Variants in WWOX observed in about 807,000 individuals in gnomAD.
WWOX encodes the protein WW domain containing oxidoreductase.
In WWOX, 69 loss-of-function variants were observed where a neutral mutation model predicts 46.2. The observed-to-expected ratio is 1.49, with a 90% CI of 1.23 to 1.82. The LOEUF (loss-of-function observed/expected upper bound fraction) is 1.82, where lower values mean the gene tolerates loss of function less well. WWOX is among the 40% of genes most tolerant of loss of function. The pLI, the probability that WWOX is intolerant of heterozygous loss-of-function variation, is 0.00. For missense variants in WWOX, 919 were observed against 542.6 expected (o/e 1.69, Z -6.89); for synonymous variants, 359 against 202.6 (o/e 1.77, Z -6.56).
chr16:79,208,344 TA>T lies in WWOX; in HGVS notation c.1057-3263del, dbSNP rs202200587. On this transcript the variant is annotated intron_variant, in intron 8 of 8. Transcript: ENST00000566780. Reference sequence around the variant, plus strand: ...CCCCGTTTCCCATGATTAGCAACCATATACAACCTACAGGCTTCTGATAAAT... The same window carrying T: ...CCCCGTTTCCCATGATTAGCAACCATTACAACCTACAGGCTTCTGATAAAT... Among the ~76,000 whole-genome samples, 32 of 151,278 alleles carry T rather than the reference TA, an allele frequency of 2.1e-4. No individual in the cohort carries two copies. In the East Asian group the frequency reaches 5.2e-3, roughly 25 times the overall value.
chr16:78,430,323 G>C (rs1457710394), intron 7 of WWOX, among the ~76,000 whole-genome samples: 1 of 152,018 alleles, frequency 6.6e-6, no homozygotes, highest in African/African-American at 2.4e-5. Flanking sequence ...GTGAGATTTG[G>C]GTGGGGACAC....
chr16:78,117,915 AAACAT>A (rs1454543817), intron 4 of WWOX, among the ~76,000 whole-genome samples: 5 of 152,178 alleles, frequency 3.3e-5, no homozygotes, highest in Admixed American at 6.5e-5. Context: ...GGGTGGGCTG[AAACAT>A]AACATAACAG....
At chr16:78,387,942 T>C (rs2082094606) in intron 6 of WWOX, among the ~76,000 whole-genome samples, 1 of 151,912 alleles carries the variant, frequency 6.6e-6, no homozygotes, top group African/African-American at 2.4e-5. Context: ...TTGGGAACAT[T>C]AGTTCTGCAG....
At chr16:78,296,267 G>A (rs2079942299) in intron 5 of WWOX, among the ~76,000 whole-genome samples, 1 of 151,430 alleles carries the variant, frequency 6.6e-6, no homozygotes, top group South Asian at 2.1e-4. Flanking sequence ...TACCGCCACA[G>A]ATGTCGGTTT....
intron 8 of WWOX, among the ~76,000 whole-genome samples, chr16:78,438,914 G>A (rs192084572): frequency 2.0e-5 from 3 of 152,232 alleles, no homozygotes; most frequent in Admixed American, 6.5e-5. Flanking sequence ...AAAGCCAAAC[G>A]GGGTAATTCT....
chr16:78,346,302 T>G (rs11859786), intron 5 of WWOX, among the ~76,000 whole-genome samples: 33,931 of 120,016 alleles, frequency 0.28, 11,749 homozygotes, highest in African/African-American at 0.52. Flanking sequence ...TTTGGGTTCT[T>G]CCCAGTTTTT....
chr16:78,133,347 A>C (rs987662130), intron 4 of WWOX, among the ~76,000 whole-genome samples: 4 of 152,114 alleles, frequency 2.6e-5, no homozygotes, highest in Non-Finnish European at 5.9e-5. Flanking sequence ...TGCAAGGTCC[A>C]CCTCCTGGGT....
chr16:78,672,542 T>C (rs1345031227), intron 8 of WWOX, among the ~76,000 whole-genome samples: 1 of 152,208 alleles, frequency 6.6e-6, no homozygotes, highest in African/African-American at 2.4e-5. Flanking sequence ...GTCGGCAGTG[T>C]AGCATGGCAA....
intron 5 of WWOX, among the ~76,000 whole-genome samples, chr16:78,193,888 T>C (rs965366997): frequency 3.3e-5 from 5 of 151,464 alleles, no homozygotes. Context: ...TTTTTATTTT[T>C]ATTTTTTGAG....
rs73572947 is a variant in WWOX at position 79,079,182 on chromosome 16, C to T, written c.1057-132426C>T. On this transcript the variant is annotated intron_variant, in intron 8 of 8. Coordinates refer to ENST00000566780, the MANE Select transcript of WWOX (RefSeq NM_016373.4). ...TAGGGACACGGGCTCCTTCTATCTT[C>T]TGTCACCACCACCTTTATTTTTAGC... Among the ~76,000 whole-genome samples the T allele has an allele frequency of 3.5e-3, 529 of 152,342 alleles. 3 individuals carry two copies. The highest frequency in any genetic ancestry group is 0.012 in the African/African-American group (485 of 41,586).
rs147264607 is a variant in WWOX, at chr16:78,137,934, A to G, written c.409+22780A>G. ...ATCTTATCCATAGTGTGTGGATATC[A>G]CAAACAGCACAAGAGGAAGTGAAAG... is the stretch of plus-strand genomic sequence containing the variant. On this transcript the variant is annotated intron_variant, in intron 4 of 8. Coordinates refer to ENST00000566780, the MANE Select transcript of WWOX (RefSeq NM_016373.4). Among the ~76,000 whole-genome samples, 299 of 150,398 alleles carry G rather than the reference A, an allele frequency of 2.0e-3. 13 individuals are homozygous for G. Among genetic ancestry groups the G allele is most frequent in the African/African-American group, 7.1e-3 (289 of 40,468 alleles).
At chr16:79,001,463 G>A (rs757033498) in intron 8 of WWOX, among the ~76,000 whole-genome samples, 6 of 152,164 alleles carry the variant, frequency 3.9e-5, no homozygotes, top group African/African-American at 7.2e-5. Flanking sequence ...AAATTTGTGC[G>A]TGCAGCTTCT....
intron 8 of WWOX, among the ~76,000 whole-genome samples, chr16:78,444,642 T>G (rs1172311318): frequency 1.3e-5 from 2 of 151,556 alleles, no homozygotes; most frequent in East Asian, 3.9e-4. Flanking sequence ...GCAATTCTCC[T>G]GCCTCAGACT....
chr16:78,792,410 C>T (rs766605019), intron 8 of WWOX, among the ~76,000 whole-genome samples: 3 of 152,144 alleles, frequency 2.0e-5, no homozygotes, highest in East Asian at 1.9e-4. Context: ...TCGGAGATGG[C>T]TTCCTATTGC....
chr16:78,519,428 A>T (rs1484345362), intron 8 of WWOX, among the ~76,000 whole-genome samples: 1 of 152,054 alleles, frequency 6.6e-6, no homozygotes, highest in Admixed American at 6.5e-5. Flanking sequence ...AAGGTAAAAC[A>T]TGTTAACAGT....
At chr16:78,365,625 A>G (rs900576593) in intron 5 of WWOX, among the ~76,000 whole-genome samples, 2 of 152,228 alleles carry the variant, frequency 1.3e-5, no homozygotes, top group Non-Finnish European at 2.9e-5. Context: ...AAGTGGCTCT[A>G]TAGACTGCCT....
At chr16:78,874,126 C>T (rs1430183498) in intron 8 of WWOX, among the ~76,000 whole-genome samples, 2 of 151,764 alleles carry the variant, frequency 1.3e-5, no homozygotes, top group Non-Finnish European at 2.9e-5. Flanking sequence ...CATGGTGGCA[C>T]ACGTCTGTAA....
chr16:78,934,055 G>A (rs2045682084), intron 8 of WWOX, among the ~76,000 whole-genome samples: 1 of 152,012 alleles, frequency 6.6e-6, no homozygotes, highest in African/African-American at 2.4e-5. Context: ...CTTAGCCGGG[G>A]CCGGGCACGG....
intron 8 of WWOX, among the ~76,000 whole-genome samples, chr16:79,034,169 A>G (rs1246882159): frequency 6.6e-6 from 1 of 152,136 alleles, no homozygotes; most frequent in African/African-American, 2.4e-5. Context: ...CTCCATCTAT[A>G]ACATTTCCCA....
Sources: allele counts gnomAD v4.1 joint callset (sites outside exome capture counted in the v4.1 genomes callset), GRCh38; gene constraint gnomAD v4.1.1; transcripts MANE v1.5; gene names NCBI Gene and HGNC (gene_info 2026-07-23, HGNC 2026-07-21).